PROM1: variants seen among roughly 807,000 people sequenced by gnomAD.
The protein encoded by PROM1 is prominin-1.
PROM1 carries 105 observed loss-of-function variants against 116.9 expected under a neutral mutation model. That is an observed-to-expected ratio of 0.90 (90% CI 0.77 to 1.06). PROM1 has a LOEUF of 1.06. PROM1 is among the 50% of genes least tolerant of loss of function. The pLI is 0.00. For synonymous variants in PROM1, 393 were observed against 387.0 expected (o/e 1.02, Z -0.18); for missense variants, 1,122 against 1,045.2 (o/e 1.07, Z -1.01).
At chr4:16,036,067 G>A (rs760508387) in intron 3 of PROM1, among the ~76,000 whole-genome samples, 2 of 152,178 alleles carry the variant, frequency 1.3e-5, no homozygotes, top group Non-Finnish European at 2.9e-5. Context: ...AGTTACAAAT[G>A]CTTAACACAC....
intron 26 of PROM1, among the ~76,000 whole-genome samples, chr4:15,976,574 A>T (rs1176710532): frequency 1.3e-5 from 2 of 152,288 alleles, no homozygotes; most frequent in East Asian, 3.9e-4. Context: ...TATTTCCAGC[A>T]CTCAGATCTG....
rs746646804 is a variant in PROM1 at position 15,979,915 on chromosome 4, C to CA, written c.2490-12dup. On this transcript the variant is annotated splice_polypyrimidine_tract_variant and intron_variant, in intron 24 of 27. Coordinates refer to ENST00000447510, the MANE Select transcript of PROM1 (RefSeq NM_006017.3). ...GGTATAGTTTCAACACTATAAAATACAAAAAAGGGAGATAAAATTAATTTT... is the reference window on the plus strand; with the variant it reads ...GGTATAGTTTCAACACTATAAAATACAAAAAAAGGGAGATAAAATTAATTTT... The CA allele has an allele frequency of 9.6e-6, 13 of 1,348,378 alleles. No homozygotes were observed. The highest frequency in any genetic ancestry group is 5.7e-5 in the South Asian group (4 of 69,698). The allele number at this position is 1,348,378 out of a possible 1,614,324, so 83.5% of individuals were successfully genotyped here.
chr4:16,044,079 C>T (rs1487488348), intron 2 of PROM1, among the ~76,000 whole-genome samples: 2 of 152,144 alleles, frequency 1.3e-5, no homozygotes, highest in Non-Finnish European at 2.9e-5. Flanking sequence ...CGTATGTGTG[C>T]GATTTATGAG....
At chr4:16,022,914 C>T (rs1278749194) in intron 8 of PROM1, among the ~76,000 whole-genome samples, 1 of 152,118 alleles carries the variant, frequency 6.6e-6, no homozygotes, top group Non-Finnish European at 1.5e-5. Context: ...TCAGGGTCAA[C>T]AAATTTTTCT....
chr4:16,046,194 C>G (rs1736513221), intron 2 of PROM1, among the ~76,000 whole-genome samples: 1 of 152,150 alleles, frequency 6.6e-6, no homozygotes, highest in African/African-American at 2.4e-5. Flanking sequence ...GAGGAGAATG[C>G]AGATTTAACT....
chr4:16,045,786 T>G (rs886990391), intron 2 of PROM1, among the ~76,000 whole-genome samples: 9 of 152,264 alleles, frequency 5.9e-5, no homozygotes, highest in Non-Finnish European at 1.2e-4. Flanking sequence ...AGAGAATGCA[T>G]GAAAAGGTAC....
At chr4:16,015,853 A>G (rs925285377) in intron 10 of PROM1, among the ~76,000 whole-genome samples, 1 of 152,164 alleles carries the variant, frequency 6.6e-6, no homozygotes, top group Non-Finnish European at 1.5e-5. Context: ...AGAGGGGGAC[A>G]GCATTTTGTA....
chr4:16,030,815 G>A (rs1732517314), intron 5 of PROM1, among the ~76,000 whole-genome samples: 1 of 152,194 alleles, frequency 6.6e-6, no homozygotes, highest in South Asian at 2.1e-4. Flanking sequence ...GGAGGTCGAG[G>A]AGGGCAGATC....
chr4:15,975,181 C>T (rs1361818070), intron 26 of PROM1, among the ~76,000 whole-genome samples: 1 of 152,144 alleles, frequency 6.6e-6, no homozygotes, highest in East Asian at 1.9e-4. Context: ...TGCCTTGTTA[C>T]CTCATTGAAC....
intron 2 of PROM1, among the ~76,000 whole-genome samples, chr4:16,055,994 T>A (rs943046680): frequency 6.6e-6 from 1 of 152,038 alleles, no homozygotes; most frequent in Non-Finnish European, 1.5e-5. Context: ...ATATTCTCCA[T>A]GAAGAGTAAG....
chr4:16,029,817 A>T (rs1045029257), intron 5 of PROM1, among the ~76,000 whole-genome samples: 3 of 152,246 alleles, frequency 2.0e-5, no homozygotes, highest in Non-Finnish European at 4.4e-5. Flanking sequence ...AGAATTTTTT[A>T]AAAATCACAT....
chr4:15,975,168 T>G (rs1715791069), intron 26 of PROM1, among the ~76,000 whole-genome samples: 1 of 152,198 alleles, frequency 6.6e-6, no homozygotes, highest in South Asian at 2.1e-4. Flanking sequence ...AGGGTGAATG[T>G]TTTGCCTTGT....
At chr4:15,970,558 GTA>G (rs141630022) in intron 27 of PROM1, among the ~76,000 whole-genome samples, 11 of 150,050 alleles carry the variant, frequency 7.3e-5, no homozygotes, top group Middle Eastern at 3.5e-3. Flanking sequence ...CTGTGTGTGT[GTA>G]TATATATATA....
chr4:16,004,342 T>C (rs1206165457), intron 13 of PROM1, among the ~76,000 whole-genome samples: 1 of 152,246 alleles, frequency 6.6e-6, no homozygotes, highest in African/African-American at 2.4e-5. Context: ...ATAGAATTAG[T>C]ATATCTAAAC....
Position 16,075,998 on chromosome 4 carries a change from G to T in PROM1, c.-92C>A. ...TTGGGGAAGGCAAGCGTGTTCCTGG[G>T]CAGAAGAGGAGCAGGAAGCACTGGA... On this transcript the variant is annotated 5_prime_UTR_variant, in exon 2 of 28. Transcript: ENST00000447510. The T allele has an allele frequency of 3.4e-6, 5 of 1,464,268 alleles. No individual in the cohort carries two copies. The highest frequency in any genetic ancestry group is 4.5e-6 in the Non-Finnish European group (5 of 1,106,578). The allele number at this position is 1,464,268 out of a possible 1,614,324, so 90.7% of individuals were successfully genotyped here.
At chr4:16,038,648 G>A (rs1295043217) in intron 3 of PROM1, among the ~76,000 whole-genome samples, 1 of 152,120 alleles carries the variant, frequency 6.6e-6, no homozygotes, top group Admixed American at 6.5e-5. Flanking sequence ...TGATCTGCCC[G>A]CCTCAGCCTA....
intron 8 of PROM1, among the ~76,000 whole-genome samples, chr4:16,022,532 A>G (rs1730167031): frequency 6.6e-6 from 1 of 152,208 alleles, no homozygotes; most frequent in Non-Finnish European, 1.5e-5. Context: ...GGCATGCCAA[A>G]AGGAACTGGA....
intron 27 of PROM1, among the ~76,000 whole-genome samples, chr4:15,970,827 T>C (rs1459809137): frequency 6.6e-6 from 1 of 152,048 alleles, no homozygotes; most frequent in Non-Finnish European, 1.5e-5. Context: ...AAAATTTTTT[T>C]AGAGTATTTT....
intron 10 of PROM1, among the ~76,000 whole-genome samples, chr4:16,014,526 G>A (rs1416781054): frequency 6.6e-6 from 1 of 152,202 alleles, no homozygotes; most frequent in African/African-American, 2.4e-5. Context: ...GTAAGTAAGT[G>A]TCTGGTAAAC....
Sources: gnomAD v4.1 joint callset for allele counts (sites outside exome capture counted in the v4.1 genomes callset) on GRCh38, gnomAD v4.1.1 for gene constraint, MANE v1.5 for transcripts, NCBI Gene and HGNC (gene_info 2026-07-23, HGNC 2026-07-21) for gene names.